MYPN: variants seen among roughly 807,000 people sequenced by gnomAD.
The protein encoded by MYPN is myopalladin.
A neutral mutation model predicts 129.4 loss-of-function variants in MYPN; 63 were observed. The observed-to-expected ratio is 0.49, with a 90% CI of 0.40 to 0.60. The LOEUF (loss-of-function observed/expected upper bound fraction) is 0.60. MYPN is among the 20% of genes least tolerant of loss of function. MYPN has a pLI of 0.00. For synonymous variants in MYPN, 629 were observed against 600.9 expected (o/e 1.05, Z -0.68); for missense variants, 1,596 against 1,635.4 (o/e 0.98, Z 0.42).
At chr10:68,142,191 A>G (rs2042588508) in intron 2 of MYPN, among the ~76,000 whole-genome samples, 1 of 152,216 alleles carries the variant, frequency 6.6e-6, no homozygotes, top group Admixed American at 6.5e-5. Context: ...GTGGTCAAAC[A>G]TTTAGAGTTT....
At chr10:68,127,318 TC>T (rs2042341165) in intron 2 of MYPN, among the ~76,000 whole-genome samples, 1 of 125,308 alleles carries the variant, frequency 8.0e-6, no homozygotes, top group Non-Finnish European at 1.6e-5. Flanking sequence ...GACACATATA[TC>T]TTTTTTTTTT....
At chr10:68,169,314 C>A (rs888824517) in intron 10 of MYPN, among the ~76,000 whole-genome samples, 5 of 149,332 alleles carry the variant, frequency 3.3e-5, no homozygotes, top group African/African-American at 1.2e-4. Context: ...GCCAAGATCG[C>A]GTTACTGCAC....
intron 1 of MYPN, among the ~76,000 whole-genome samples, chr10:68,098,716 G>A (rs988784979): frequency 2.0e-5 from 3 of 151,908 alleles, no homozygotes; most frequent in Non-Finnish European, 1.5e-5. Flanking sequence ...GGTGGCAGGC[G>A]CCTGTAATCC....
At chr10:68,113,076 A>AT (rs1324886831) in intron 1 of MYPN, among the ~76,000 whole-genome samples, 1 of 152,114 alleles carries the variant, frequency 6.6e-6, no homozygotes, top group African/African-American at 2.4e-5. Flanking sequence ...AGCAAAGTCT[A>AT]TTTTTTCTTT....
chr10:68,121,373 A>AT, intron 1 of MYPN, 65 bp from the exon 2 acceptor site: 1 of 1,435,528 alleles, frequency 7.0e-7, no homozygotes, highest in Non-Finnish European at 9.6e-7. Context: ...CAGTGCTATA[A>AT]TAGACATAGA....
chr10:68,089,625 G>A (rs781139175), intron 1 of MYPN, among the ~76,000 whole-genome samples: 2 of 152,116 alleles, frequency 1.3e-5, no homozygotes, highest in Admixed American at 6.5e-5. Context: ...GATTACAGGC[G>A]TGAGCCAGCG....
intron 11 of MYPN, among the ~76,000 whole-genome samples, chr10:68,175,053 T>C (rs984251593): frequency 6.6e-6 from 1 of 152,040 alleles, no homozygotes; most frequent in Non-Finnish European, 1.5e-5. Context: ...AGGAGAATCA[T>C]TGAACCCAAG....
chr10:68,192,772 A>G (rs1035950103), intron 13 of MYPN, among the ~76,000 whole-genome samples: 17 of 151,894 alleles, frequency 1.1e-4, no homozygotes, highest in South Asian at 6.2e-4. Flanking sequence ...GAATTTGCCA[A>G]TTTCTTCCAG....
At chr10:68,145,646 T>A in intron 4 of MYPN, 120 bp downstream of exon 4, 1 of 768,712 alleles carries the variant, frequency 1.3e-6, no homozygotes, top group East Asian at 2.6e-5. Flanking sequence ...ACCACAAAAA[T>A]AAATAAATAA....
At chr10:68,131,219 T>C (rs2042405538) in intron 2 of MYPN, among the ~76,000 whole-genome samples, 1 of 152,014 alleles carries the variant, frequency 6.6e-6, no homozygotes, top group African/African-American at 2.4e-5. Context: ...TGAAACCCCG[T>C]CTCTACCAAA....
intron 1 of MYPN, among the ~76,000 whole-genome samples, chr10:68,116,342 A>G (rs2042156802): frequency 6.6e-6 from 1 of 152,238 alleles, no homozygotes; most frequent in Non-Finnish European, 1.5e-5. Flanking sequence ...AACAATTTAT[A>G]TATGCATTTT....
chr10:68,127,734 C>A (rs909955755), intron 2 of MYPN, among the ~76,000 whole-genome samples: 3 of 152,088 alleles, frequency 2.0e-5, no homozygotes, highest in Non-Finnish European at 4.4e-5. Context: ...GCCACTGAAA[C>A]TTTTGAGGCA....
intron 2 of MYPN, among the ~76,000 whole-genome samples, chr10:68,139,209 C>T (rs1186817055): frequency 6.6e-6 from 1 of 152,206 alleles, no homozygotes; most frequent in Non-Finnish European, 1.5e-5. Flanking sequence ...ATGTTCCAAA[C>T]TTGTAACCAA....
chr10:68,184,338 G>C (rs563722182), intron 12 of MYPN, among the ~76,000 whole-genome samples: 1 of 152,286 alleles, frequency 6.6e-6, no homozygotes, highest in Admixed American at 6.5e-5. Context: ...GTAGAGAATT[G>C]GTAAAAGGAT....
chr10:68,152,243 C>T (rs1357742907), intron 6 of MYPN, among the ~76,000 whole-genome samples: 2 of 152,084 alleles, frequency 1.3e-5, no homozygotes. Flanking sequence ...TGTTTTTTAT[C>T]AGATCTTATC....
At chr10:68,187,306 CAAA>C (rs55727861) in intron 12 of MYPN, among the ~76,000 whole-genome samples, 1 of 135,572 alleles carries the variant, frequency 7.4e-6, no homozygotes, top group Non-Finnish European at 1.6e-5. Context: ...GACTCCATCT[CAAA>C]AAAAAAAAAA....
At chr10:68,106,935 T>C (rs966329656), upstream of MYPN, 49 of 636,438 alleles carry the variant, frequency 7.7e-5, no homozygotes, top group Middle Eastern at 2.5e-4. Flanking sequence ...GCTTAAGACA[T>C]GTAACCAACC....
At chr10:68,103,920 A>T (rs1373792141), upstream of MYPN, among the ~76,000 whole-genome samples, 1 of 152,242 alleles carries the variant, frequency 6.6e-6, no homozygotes, top group East Asian at 1.9e-4. Flanking sequence ...ATTGCACTCC[A>T]GCCTAAGCAA....
chr10:68,177,171 G>A (rs2043240117), intron 12 of MYPN, among the ~76,000 whole-genome samples: 1 of 152,192 alleles, frequency 6.6e-6, no homozygotes, highest in Admixed American at 6.5e-5. Flanking sequence ...TACCTGACAT[G>A]TGTGTACATG....
Sources: gnomAD v4.1 joint callset for allele counts (sites outside exome capture counted in the v4.1 genomes callset) on GRCh38, gnomAD v4.1.1 for gene constraint, MANE v1.5 for transcripts, NCBI Gene and HGNC (gene_info 2026-07-23, HGNC 2026-07-21) for gene names.